The following GRIP1 variants were observed in gnomAD, a reference collection of about 807,000 sequenced individuals.
GRIP1 encodes the protein glutamate receptor-interacting protein 1.
In GRIP1, 45 loss-of-function variants were observed where a neutral mutation model predicts 129.9. The ratio of observed to expected loss-of-function variants is 0.35; its 90% CI spans 0.27 to 0.44. The LOEUF is 0.44. Ranked by LOEUF, GRIP1 falls within the 20% of genes least tolerant of loss-of-function variation. GRIP1 has a pLI of 1.00. For synonymous variants in GRIP1, 530 were observed against 520.8 expected (o/e 1.02, Z -0.24); for missense variants, 1,196 against 1,396.8 (o/e 0.86, Z 2.29).
At position 66,353,550 on chromosome 12, in the gene GRIP1, T is replaced by C; in HGVS notation, c.3026A>G (p.Lys1009Arg). ...PVELHKVTLY[K>R]DSDMEDFGFS... ...CCCAAAGTCCTCCATGTCAGAGTCCTTGTACAAGGTCACCTGAAGAGAGAA... is the reference window on the plus strand; with the variant it reads ...CCCAAAGTCCTCCATGTCAGAGTCCCTGTACAAGGTCACCTGAAGAGAGAA... Residue 1009 changes from lysine (K) to arginine (R), a missense_variant, in exon 24 of 25, where the codon AAG becomes AGG. Transcript: ENST00000359742. 1 of 1,614,004 alleles carries C rather than the reference T, an allele frequency of 6.2e-7. No individual in the cohort carries two copies. The highest frequency in any genetic ancestry group is 8.5e-7 in the Non-Finnish European group (1 of 1,179,868).
intron 15 of GRIP1, among the ~76,000 whole-genome samples, chr12:66,409,384 A>G (rs922342879): frequency 6.6e-6 from 1 of 152,236 alleles, no homozygotes; most frequent in Non-Finnish European, 1.5e-5. Context: ...GTCTCTGCCT[A>G]GTAATCCAGA....
intron 1 of GRIP1, among the ~76,000 whole-genome samples, chr12:66,615,587 A>T (rs2065005143): frequency 6.6e-6 from 1 of 152,224 alleles, no homozygotes; most frequent in African/African-American, 2.4e-5. Context: ...CATAAATTTC[A>T]TCTACCTTAA....
chr12:66,805,427 G>GA (rs1013587517), upstream of GRIP1, among the ~76,000 whole-genome samples: 3 of 151,816 alleles, frequency 2.0e-5, no homozygotes, highest in Non-Finnish European at 4.4e-5. Context: ...GTCTTTAAGC[G>GA]AAAGAGAACT....
chr12:66,995,291 A>C (rs1034355914), intron 1 of GRIP1, among the ~76,000 whole-genome samples: 1 of 152,146 alleles, frequency 6.6e-6, no homozygotes, highest in Admixed American at 6.5e-5. Context: ...GGTTAGGCAA[A>C]ACCTTATTAG....
intron 9 of GRIP1, 56 bp from the exon 10 acceptor site, chr12:66,456,398 C>A: frequency 2.5e-5 from 24 of 976,596 alleles, no homozygotes; most frequent in Admixed American, 1.4e-4. Context: ...AAACAAAGAA[C>A]CAAAAAAGAG....
At chr12:66,855,150 G>C (rs1051735812) in intron 1 of GRIP1, among the ~76,000 whole-genome samples, 1 of 151,970 alleles carries the variant, frequency 6.6e-6, no homozygotes, top group Non-Finnish European at 1.5e-5. Flanking sequence ...TTAAGCCTAA[G>C]TTGGAAGTAT....
At chr12:66,475,001 G>A (rs966078549) in intron 7 of GRIP1, among the ~76,000 whole-genome samples, 39 of 152,214 alleles carry the variant, frequency 2.6e-4, no homozygotes, top group Non-Finnish European at 1.2e-4. Context: ...ATGTAAATGG[G>A]CTAAATGCTC....
intron 1 of GRIP1, among the ~76,000 whole-genome samples, chr12:66,628,625 T>C (rs2030383202): frequency 6.6e-6 from 1 of 152,220 alleles, no homozygotes; most frequent in Non-Finnish European, 1.5e-5. Context: ...TAATTTTCCT[T>C]CATATAAATC....
intron 7 of GRIP1, among the ~76,000 whole-genome samples, chr12:66,484,739 G>C (rs1459624054): frequency 1.6e-4 from 24 of 152,038 alleles, no homozygotes; most frequent in Admixed American, 1.6e-3. Flanking sequence ...TAGATGGAGG[G>C]AATAAGTTCT....
intron 1 of GRIP1, among the ~76,000 whole-genome samples, chr12:66,689,265 T>C (rs1252405080): frequency 6.6e-6 from 1 of 152,068 alleles, no homozygotes; most frequent in Non-Finnish European, 1.5e-5. Flanking sequence ...CTGGTGACAG[T>C]AACAGAGGCC....
intron 1 of GRIP1, among the ~76,000 whole-genome samples, chr12:66,847,016 A>T (rs754447392): frequency 1.3e-5 from 2 of 152,174 alleles, no homozygotes; most frequent in Non-Finnish European, 2.9e-5. Context: ...AGTAGTCCAG[A>T]GTAGGAAAGT....
At chr12:66,407,642 C>A (rs1402584780) in intron 15 of GRIP1, among the ~76,000 whole-genome samples, 1 of 152,198 alleles carries the variant, frequency 6.6e-6, no homozygotes, top group Non-Finnish European at 1.5e-5. Flanking sequence ...ACGGAGGGAA[C>A]ATTTAGATCA....
Position 66,465,274 on chromosome 12 carries a change from C to A in GRIP1, c.872+1G>T. 6.2e-7 allele frequency: 1 copy of A among 1,613,416 alleles called. No individual in the cohort carries two copies. The highest frequency in any genetic ancestry group is 8.5e-7 in the Non-Finnish European group (1 of 1,179,476). ...AAGTAGGCACTTTCTACAATACTTA[C>A]CTGTCTGCAATACTTGCAGATTTGA... On this transcript the variant is annotated splice_donor_variant, in intron 8 of 24. Coordinates refer to ENST00000359742, the MANE Select transcript of GRIP1 (RefSeq NM_001366722.1). LOFTEE classifies it high-confidence loss of function.
At chr12:66,760,637 T>C (rs2037445728) in intron 1 of GRIP1, among the ~76,000 whole-genome samples, 1 of 152,180 alleles carries the variant, frequency 6.6e-6, no homozygotes, top group African/African-American at 2.4e-5. Flanking sequence ...AGTGTGGGAA[T>C]TCTGGGAGAT....
intron 5 of GRIP1, among the ~76,000 whole-genome samples, chr12:66,522,889 C>G (rs1296418214): frequency 6.6e-6 from 1 of 152,024 alleles, no homozygotes; most frequent in East Asian, 1.9e-4. Flanking sequence ...AATGCAGAAG[C>G]CTCAGGAGCC....
At chr12:66,444,869 G>A in intron 12 of GRIP1, 140 bp from the exon 13 acceptor site, 1 of 821,094 alleles carries the variant, frequency 1.2e-6, no homozygotes, top group East Asian at 2.6e-5. Context: ...GCATCATATA[G>A]GTCAAATTCA....
chr12:66,355,573 G>A (rs887752847), intron 23 of GRIP1, among the ~76,000 whole-genome samples: 1 of 143,388 alleles, frequency 7.0e-6, no homozygotes, highest in Non-Finnish European at 1.5e-5. Flanking sequence ...ACCACCCACC[G>A]CCCATCTAAC....
At chr12:66,539,462 C>A (rs560444061) in intron 3 of GRIP1, among the ~76,000 whole-genome samples, 1 of 150,510 alleles carries the variant, frequency 6.6e-6, no homozygotes, top group South Asian at 2.1e-4. Context: ...GGAAGTCCTG[C>A]TCTGATTCTG....
intron 1 of GRIP1, among the ~76,000 whole-genome samples, chr12:66,676,160 G>T (rs2034317931): frequency 6.6e-6 from 1 of 151,978 alleles, no homozygotes; most frequent in African/African-American, 2.4e-5. Context: ...CCTATAAATT[G>T]TCCCAGCCCA....
Sources: gnomAD v4.1 joint callset for allele counts (sites outside exome capture counted in the v4.1 genomes callset) on GRCh38, gnomAD v4.1.1 for gene constraint, MANE v1.5 for transcripts, NCBI Gene and HGNC (gene_info 2026-07-23, HGNC 2026-07-21) for gene names.